The following MYO1D variants were observed in gnomAD, a reference collection of about 807,000 sequenced individuals.
The protein encoded by MYO1D is myosin ID.
In MYO1D, 83 loss-of-function variants were observed where a neutral mutation model predicts 122.0. The ratio of observed to expected loss-of-function variants is 0.68; its 90% CI spans 0.57 to 0.82. The LOEUF (loss-of-function observed/expected upper bound fraction) is 0.82, where lower values mean the gene tolerates loss of function less well. Ranked by LOEUF, MYO1D falls within the 40% of genes least tolerant of loss-of-function variation. The probability of loss-of-function intolerance (pLI) is 0.00; values close to 1 mark genes in which losing one functional copy is unlikely to be tolerated. For missense variants in MYO1D, 1,157 were observed against 1,269.5 expected (o/e 0.91, Z 1.35); for synonymous variants, 464 against 446.9 (o/e 1.04, Z -0.48).
chr17:32,582,955 T>G (rs1361612657), intron 21 of MYO1D, among the ~76,000 whole-genome samples: 4 of 152,234 alleles, frequency 2.6e-5, no homozygotes, highest in African/African-American at 9.6e-5. Flanking sequence ...TCTTAAAAAT[T>G]TGCTTGTGTA....
At chr17:32,614,861 G>A (rs547190025) in intron 20 of MYO1D, among the ~76,000 whole-genome samples, 44 of 152,360 alleles carry the variant, frequency 2.9e-4, no homozygotes, top group African/African-American at 9.6e-4. Context: ...TCGTGTGCAG[G>A]TGCTCTGGTC....
intron 21 of MYO1D, among the ~76,000 whole-genome samples, chr17:32,522,537 C>T (rs367680110): frequency 6.3e-4 from 96 of 152,292 alleles, no homozygotes; most frequent in African/African-American, 2.2e-3. Context: ...CCTAAATAGA[C>T]AGCAGAGTTC....
In MYO1D at chr17:32,783,942, G is replaced by A. The variant is rs934529426; in HGVS notation, c.96-3158C>T. On this transcript the variant is annotated intron_variant, in intron 1 of 21. Coordinates refer to ENST00000318217, the MANE Select transcript of MYO1D (RefSeq NM_015194.3). ...CATGACAAACTTTTATAATTATTCA[G>A]TATCTACTTTGTGCCAGATACCGGG... Among the ~76,000 whole-genome samples the A allele has an allele frequency of 2.0e-5, 3 of 152,142 alleles. No homozygotes were observed. The East Asian group carries it at 5.8e-4, about 29-fold the overall frequency.
chr17:32,524,035 C>A (rs571334551), intron 21 of MYO1D, among the ~76,000 whole-genome samples: 1 of 152,196 alleles, frequency 6.6e-6, no homozygotes, highest in Non-Finnish European at 1.5e-5. Flanking sequence ...CAGTGCCGTG[C>A]GTAATCAGCA....
At chr17:32,662,504 C>G (rs2088580183) in intron 16 of MYO1D, among the ~76,000 whole-genome samples, 1 of 152,148 alleles carries the variant, frequency 6.6e-6, no homozygotes, top group Admixed American at 6.5e-5. Context: ...AACCCCGTCT[C>G]TACTAAAAAA....
intron 4 of MYO1D, 85 bp downstream of exon 4, chr17:32,775,779 A>T: frequency 8.7e-7 from 1 of 1,147,760 alleles, no homozygotes; most frequent in Non-Finnish European, 1.2e-6. Flanking sequence ...AGCTATTTTG[A>T]GTCAATAAAA....
Position 32,738,270 on chromosome 17 carries a change from C to G in MYO1D, c.1729G>C (p.Asp577His). The change falls in exon 14 of 22, where the codon GAC becomes CAC. Residue 577 changes from aspartate to histidine, a missense_variant. Coordinates refer to ENST00000318217, the MANE Select transcript of MYO1D (RefSeq NM_015194.3). ...LFKNSMIALV[D>H]NLASKEPYYV... ...ATAATTACCTTTGATGCAAGGTTGT[C>G]TACTAGAGCAATCATAGAATTCTTA... 3 of 1,607,444 alleles carry G rather than the reference C, an allele frequency of 1.9e-6. No individual in the cohort carries two copies. The highest frequency in any genetic ancestry group is 2.5e-6 in the Non-Finnish European group (3 of 1,176,910).
chr17:32,627,201 T>C (rs2087939646), intron 20 of MYO1D, among the ~76,000 whole-genome samples: 1 of 152,182 alleles, frequency 6.6e-6, no homozygotes, highest in Non-Finnish European at 1.5e-5. Context: ...AGGTCTGACA[T>C]TAAGGGATTA....
intron 1 of MYO1D, among the ~76,000 whole-genome samples, chr17:32,799,609 G>A (rs901811362): frequency 2.0e-5 from 3 of 151,818 alleles, no homozygotes; most frequent in Non-Finnish European, 4.4e-5. Flanking sequence ...AAAGCTCAAT[G>A]ACACTGGTCT....
chr17:32,595,018 C>A (rs924811213), intron 21 of MYO1D, among the ~76,000 whole-genome samples: 5 of 152,172 alleles, frequency 3.3e-5, no homozygotes, highest in African/African-American at 1.2e-4. Context: ...GCCCACAGCC[C>A]TTTTAGTTGC....
intron 1 of MYO1D, among the ~76,000 whole-genome samples, chr17:32,806,872 A>G (rs935749691): frequency 2.0e-5 from 3 of 152,208 alleles, no homozygotes; most frequent in Admixed American, 2.0e-4. Context: ...TATTCAGGAA[A>G]GGAGTGGTGC....
intron 16 of MYO1D, among the ~76,000 whole-genome samples, chr17:32,675,289 A>G (rs1027115787): frequency 7.9e-5 from 12 of 152,344 alleles, no homozygotes; most frequent in Admixed American, 5.9e-4. Flanking sequence ...ATAAAGTAGA[A>G]TGCTGGATAT....
intron 21 of MYO1D, among the ~76,000 whole-genome samples, chr17:32,538,577 G>A (rs1910734381): frequency 6.6e-6 from 1 of 151,630 alleles, no homozygotes; most frequent in South Asian, 2.1e-4. Flanking sequence ...TGGGATTATA[G>A]GCATGAGCCA....
At chr17:32,621,909 T>C (rs1181246411) in intron 20 of MYO1D, among the ~76,000 whole-genome samples, 1 of 152,214 alleles carries the variant, frequency 6.6e-6, no homozygotes, top group Non-Finnish European at 1.5e-5. Flanking sequence ...GCCAGTCCTC[T>C]GTGAACTGAA....
At chr17:32,614,631 T>C (rs1185859911) in intron 20 of MYO1D, among the ~76,000 whole-genome samples, 1 of 152,154 alleles carries the variant, frequency 6.6e-6, no homozygotes, top group Non-Finnish European at 1.5e-5. Context: ...GTCCCCCACA[T>C]CTTGTTCCCT....
rs538217393 is a variant in MYO1D, at chr17:32,835,913, C to A, written c.95+40865G>T. Among the ~76,000 whole-genome samples the A allele has an allele frequency of 8.5e-5, 13 of 152,300 alleles. No individual in the cohort carries two copies. In the East Asian group the frequency reaches 2.5e-3, roughly 29 times the overall value. ...TGGGGGTTTACACTAACTGTTGGTT[C>A]ATACTGCGCTCACTATGGACTGAAA... On this transcript the variant is annotated intron_variant, in intron 1 of 21. Coordinates refer to ENST00000318217, the MANE Select transcript of MYO1D (RefSeq NM_015194.3).
chr17:32,876,758 C>T lies in MYO1D; in HGVS notation c.95+20G>A, dbSNP rs1178508522. ...GAAAGCGCAGCCTCGCGCCCCTGCG[C>T]GCGGCCGCTCCGCCCTCACCTGAGC... On this transcript the variant is annotated intron_variant, in intron 1 of 21. Transcript: ENST00000318217. 2 of 1,490,312 alleles carry T rather than the reference C, an allele frequency of 1.3e-6. No homozygotes were observed. The highest frequency in any genetic ancestry group is 4.7e-5 in the Admixed American group (2 of 42,618). 92.3% of individuals were successfully genotyped at this position (1,490,312 alleles called of 1,614,324 possible). A position where few individuals can be genotyped will look rare whatever the true frequency, so the allele number is the denominator to read the frequency against.
intron 21 of MYO1D, among the ~76,000 whole-genome samples, chr17:32,504,189 C>T (rs1202389388): frequency 6.6e-6 from 1 of 152,246 alleles, no homozygotes; most frequent in African/African-American, 2.4e-5. Context: ...GTCTGCCTCT[C>T]CACAGCACTG....
Position 32,745,229 on chromosome 17 carries a change from T to C in MYO1D, c.1595A>G (p.Lys532Arg). 2.6e-6 allele frequency: 4 copies of C among 1,531,894 alleles called. No individual in the cohort carries two copies. The highest frequency in any genetic ancestry group is 3.6e-6 in the Non-Finnish European group (4 of 1,111,712). 94.9% of individuals were successfully genotyped at this position (1,531,894 alleles called of 1,614,324 possible). ...ATCTTACCTGTTATACATAAGGCGC[T>C]TGAAATCTTGAAATAAAGTATCTTT... ...KNKDTLFQDF[K>R]RLMYNSSNPV... Residue 532 changes from lysine to arginine, a missense_variant, in exon 13 of 22, where the codon AAG (lysine) becomes AGG (arginine). Transcript: ENST00000318217.
Sources: allele counts gnomAD v4.1 joint callset (sites outside exome capture counted in the v4.1 genomes callset), GRCh38; gene constraint gnomAD v4.1.1; transcripts MANE v1.5; gene names NCBI Gene and HGNC (gene_info 2026-07-23, HGNC 2026-07-21).